Variants in LAMB1 observed in about 807,000 individuals in gnomAD.
The protein encoded by LAMB1 is laminin subunit beta-1.
Under a neutral mutation model 222.3 loss-of-function variants are expected in LAMB1, and 121 were observed. The ratio of observed to expected loss-of-function variants is 0.54; its 90% CI spans 0.47 to 0.63. LAMB1 has a LOEUF of 0.63. Ranked by LOEUF, LAMB1 falls within the 30% of genes least tolerant of loss-of-function variation. The pLI is 0.00. For missense variants in LAMB1, 2,172 were observed against 2,240.8 expected (o/e 0.97, Z 0.62); for synonymous variants, 794 against 807.2 (o/e 0.98, Z 0.28).
intron 14 of LAMB1, among the ~76,000 whole-genome samples, chr7:107,963,881 C>G (rs1019732497): frequency 3.3e-5 from 5 of 152,198 alleles, no homozygotes; most frequent in African/African-American, 7.2e-5. Flanking sequence ...GGCGGATCAC[C>G]TGAGGTCGGG....
intron 21 of LAMB1, among the ~76,000 whole-genome samples, chr7:107,954,698 G>A (rs1276784678): frequency 6.6e-6 from 1 of 152,194 alleles, no homozygotes; most frequent in Non-Finnish European, 1.5e-5. Flanking sequence ...GGCTGAGGCT[G>A]GAGAATGGCG....
intron 27 of LAMB1, among the ~76,000 whole-genome samples, chr7:107,934,762 C>T (rs907378414): frequency 6.6e-6 from 1 of 151,938 alleles, no homozygotes; most frequent in South Asian, 2.1e-4. Flanking sequence ...CAAATCAGAA[C>T]AAACTAAAAA....
chr7:107,931,275 C>A, intron 29 of LAMB1, 81 bp downstream of exon 29: 1 of 1,280,926 alleles, frequency 7.8e-7, no homozygotes, highest in Admixed American at 2.0e-5. Context: ...AGTACCCTGA[C>A]AGAAATGGAT....
chr7:107,937,102 C>CT lies in LAMB1; in HGVS notation c.3936dup (p.Asp1313ArgfsTer8). The stretch of plus-strand genomic sequence containing the variant: ...ACCAAAAAATGCTCACCCCGAATAT[C>CT]TGAGTTTTTGATAAATTCCAGTTGT... On this transcript the variant is annotated frameshift_variant, in exon 26 of 34. Coordinates refer to ENST00000222399, the MANE Select transcript of LAMB1 (RefSeq NM_002291.3). LOFTEE classifies it high-confidence loss of function. 2 of 1,613,668 alleles carry CT rather than the reference C, an allele frequency of 1.2e-6. No individual in the cohort carries two copies. Among genetic ancestry groups the CT allele is most frequent in the Non-Finnish European group, 1.7e-6 (2 of 1,179,758 alleles).
chr7:107,940,826 T>C (rs1336423389), intron 24 of LAMB1, among the ~76,000 whole-genome samples: 1 of 152,202 alleles, frequency 6.6e-6, no homozygotes, highest in East Asian at 1.9e-4. Flanking sequence ...CCACAGACCA[T>C]GTCTGTACAA....
Position 107,959,759 on chromosome 7 carries a change from T to A in LAMB1, c.2390A>T (p.Asn797Ile), listed in dbSNP as rs780345179. 13 of 1,614,030 alleles carry A rather than the reference T, an allele frequency of 8.1e-6. No individual in the cohort carries two copies. The highest frequency in any genetic ancestry group is 1.0e-5 in the Non-Finnish European group (12 of 1,180,036). Residue 797 changes from asparagine to isoleucine, a missense_variant, in exon 19 of 34, where the codon AAC (asparagine) becomes ATC (isoleucine). Coordinates refer to ENST00000222399, the MANE Select transcript of LAMB1 (RefSeq NM_002291.3). ...PNGGQCQCRP[N>I]VVGRTCNRCA... ...TCTGTTGCAGGTTCTTCCAACCACG[T>A]TGGGCCGGCACTGGCACTGGCCTCC...
At chr7:107,930,654 C>T (rs1168332686) in intron 29 of LAMB1, among the ~76,000 whole-genome samples, 1 of 152,138 alleles carries the variant, frequency 6.6e-6, no homozygotes, top group Non-Finnish European at 1.5e-5. Context: ...AAGACTTCCT[C>T]CTTTTTAAAA....
intron 14 of LAMB1, 98 bp downstream of exon 14, chr7:107,964,454 A>C: frequency 7.0e-7 from 1 of 1,423,926 alleles, no homozygotes; most frequent in Non-Finnish European, 9.7e-7. Context: ...TGACAAAGCT[A>C]TAAAAATGCT....
chr7:107,959,171 G>A (rs758145671), intron 20 of LAMB1, 78 bp downstream of exon 20: 13 of 1,104,980 alleles, frequency 1.2e-5, no homozygotes, highest in Non-Finnish European at 1.6e-5. Context: ...TGGTGGAGAT[G>A]AATTCTGTGG....
intron 8 of LAMB1, among the ~76,000 whole-genome samples, chr7:107,979,250 C>T (rs1180032489): frequency 2.6e-5 from 4 of 152,174 alleles, no homozygotes; most frequent in Admixed American, 6.5e-5. Context: ...CTTCAGGCTC[C>T]GTCAAAAATT....
At chr7:107,993,322 C>T (rs570292012) in intron 5 of LAMB1, among the ~76,000 whole-genome samples, 13 of 151,896 alleles carry the variant, frequency 8.6e-5, no homozygotes, top group South Asian at 2.1e-4. Context: ...TCAGTAGAGC[C>T]GGGGTTTCAC....
intron 8 of LAMB1, 145 bp downstream of exon 8, chr7:107,980,464 C>G: frequency 1.6e-6 from 1 of 621,402 alleles, no homozygotes; most frequent in Non-Finnish European, 2.8e-6. Flanking sequence ...CAACAATCAG[C>G]TACCTGTATG....
chr7:107,932,485 G>T, intron 27 of LAMB1, 108 bp from the exon 28 acceptor site: 2 of 1,026,632 alleles, frequency 1.9e-6, no homozygotes, highest in Non-Finnish European at 3.0e-6. Flanking sequence ...GTGGTCCTCA[G>T]CAAGGGTGCT....
chr7:107,947,756 CTGTT>C (rs1414015252), intron 24 of LAMB1, among the ~76,000 whole-genome samples: 1 of 152,192 alleles, frequency 6.6e-6, no homozygotes, highest in Non-Finnish European at 1.5e-5. Context: ...GACACATTCT[CTGTT>C]TGACAGACTG....
intron 4 of LAMB1, among the ~76,000 whole-genome samples, chr7:107,996,294 CT>C (rs200588179): frequency 6.6e-6 from 1 of 151,872 alleles, no homozygotes; most frequent in African/African-American, 2.4e-5. Flanking sequence ...GCACTACAGG[CT>C]TTTTTTTATA....
chr7:107,954,292 C>A (rs2033327673), intron 21 of LAMB1, among the ~76,000 whole-genome samples: 1 of 151,624 alleles, frequency 6.6e-6, no homozygotes, highest in Non-Finnish European at 1.5e-5. Flanking sequence ...GCAGCTGGGA[C>A]TACAGGTTTG....
At position 107,960,542 on chromosome 7, in the gene LAMB1, AC is replaced by A. The variant is rs777399310; in HGVS notation, c.2216del (p.Cys739PhefsTer2). On this transcript the variant is annotated frameshift_variant, in exon 18 of 34. Coordinates refer to ENST00000222399, the MANE Select transcript of LAMB1 (RefSeq NM_002291.3). LOFTEE classifies it high-confidence loss of function. The stretch of plus-strand genomic sequence containing the variant: ...TCACAACGCTTCTGCTGTTCTCTAG[AC>A]ATCGGTATCTCTGAAAGGTTTCCCA... The part of the protein sequence containing the change: ...SAWETFQRYR[C>X]LENSRSVVKT... 6.2e-7 allele frequency: 1 copy of A among 1,614,164 alleles called. No homozygotes were observed. The highest frequency in any genetic ancestry group is 8.5e-7 in the Non-Finnish European group (1 of 1,179,980).
At chr7:107,977,767 A>C (rs973394031) in intron 9 of LAMB1, among the ~76,000 whole-genome samples, 58 of 152,288 alleles carry the variant, frequency 3.8e-4, no homozygotes, top group African/African-American at 8.4e-4. Flanking sequence ...ACAAAAAAAA[A>C]CCAAAAAACA....
At chr7:107,966,358 C>T (rs1458010567) in intron 13 of LAMB1, among the ~76,000 whole-genome samples, 1 of 152,026 alleles carries the variant, frequency 6.6e-6, no homozygotes, top group South Asian at 2.1e-4. Flanking sequence ...CTATAGGCGA[C>T]TGCCACCATG....
Sources: gnomAD v4.1 joint callset for allele counts (sites outside exome capture counted in the v4.1 genomes callset) on GRCh38, gnomAD v4.1.1 for gene constraint, MANE v1.5 for transcripts, NCBI Gene and HGNC (gene_info 2026-07-23, HGNC 2026-07-21) for gene names.